The following PCM1 variants were observed in gnomAD, a reference collection of about 807,000 sequenced individuals.
PCM1 encodes pericentriolar material 1, also known as pericentriolar material 1 protein.
PCM1 carries 157 observed loss-of-function variants against 241.9 expected under a neutral mutation model. The observed-to-expected ratio is 0.65, with a 90% CI of 0.57 to 0.74. The LOEUF is 0.74. Ranked by LOEUF, PCM1 falls within the 30% of genes least tolerant of loss-of-function variation. The pLI, the probability that PCM1 is intolerant of heterozygous loss-of-function variation, is 0.00. For missense variants in PCM1, 3,478 were observed against 2,360.1 expected (o/e 1.47, Z -9.81); for synonymous variants, 1,085 against 784.9 (o/e 1.38, Z -6.39).
intron 4 of PCM1, 100 bp downstream of exon 4, chr8:17,937,479 A>C: frequency 8.9e-7 from 1 of 1,125,866 alleles, no homozygotes; most frequent in Non-Finnish European, 1.2e-6. Flanking sequence ...CTGTTTATGT[A>C]ATTTTTAAAA....
intron 29 of PCM1, among the ~76,000 whole-genome samples, chr8:17,997,400 G>A (rs2087270942): frequency 6.6e-6 from 1 of 152,102 alleles, no homozygotes; most frequent in African/African-American, 2.4e-5. Context: ...CTGGTTTTCT[G>A]TAACCTTCTT....
intron 2 of PCM1, among the ~76,000 whole-genome samples, chr8:17,934,170 C>G (rs1426752045): frequency 6.6e-6 from 1 of 151,768 alleles, no homozygotes; most frequent in African/African-American, 2.4e-5. Flanking sequence ...GTTGATAATC[C>G]TTTTGATATT....
chr8:17,935,110 A>T (rs1404876652), intron 2 of PCM1, among the ~76,000 whole-genome samples: 1 of 152,098 alleles, frequency 6.6e-6, no homozygotes, highest in East Asian at 1.9e-4. Flanking sequence ...GTTAAAACCA[A>T]AATTTTCTTC....
Position 18,009,533 on chromosome 8 carries a change from T to C in PCM1, c.4963-14T>C. On this transcript the variant is annotated splice_polypyrimidine_tract_variant and intron_variant, in intron 30 of 38. Coordinates refer to ENST00000325083, the MANE Select transcript of PCM1 (RefSeq NM_006197.4). The stretch of plus-strand genomic sequence containing the variant: ...TTACTGTCTTTAAAAATTATTTGGT[T>C]TATCTTTGAATAGGATTCACTGGCA... 6.5e-7 allele frequency: 1 copy of C among 1,550,374 alleles called. No individual in the cohort carries two copies. Among genetic ancestry groups the C allele is most frequent in the Non-Finnish European group, 8.8e-7 (1 of 1,139,184 alleles).
intron 3 of PCM1, 25 bp downstream of exon 3, chr8:17,935,731 G>C (rs1171489444): frequency 1.9e-6 from 2 of 1,046,002 alleles, no homozygotes; most frequent in African/African-American, 3.1e-5. Context: ...TCTTCATGGT[G>C]TGTTGTTGGC....
At chr8:18,013,748 C>A in intron 34 of PCM1, 1 of 426,168 alleles carries the variant, frequency 2.3e-6, no homozygotes, top group Non-Finnish European at 4.2e-6. Flanking sequence ...TTGTATTATA[C>A]TGTGTGTGTG....
chr8:18,010,867 G>C (rs1220672703), intron 32 of PCM1, among the ~76,000 whole-genome samples, 199 bp downstream of exon 32: 1 of 152,156 alleles, frequency 6.6e-6, no homozygotes, highest in Non-Finnish European at 1.5e-5. Context: ...CAGCTATTCA[G>C]GAGGCTGAGA....
At chr8:18,016,022 G>T (rs1250585916) in intron 36 of PCM1, among the ~76,000 whole-genome samples, 2 of 152,180 alleles carry the variant, frequency 1.3e-5, no homozygotes, top group East Asian at 3.9e-4. Context: ...CCGAGTAGCT[G>T]GGATTACAGA....
chr8:18,003,625 C>G (rs963110973), intron 29 of PCM1, among the ~76,000 whole-genome samples: 1 of 151,974 alleles, frequency 6.6e-6, no homozygotes, highest in African/African-American at 2.4e-5. Flanking sequence ...GTATCTCCCC[C>G]CTAGAATAGT....
intron 23 of PCM1, among the ~76,000 whole-genome samples, chr8:17,976,608 T>G (rs1342437812): frequency 6.6e-6 from 1 of 152,198 alleles, no homozygotes; most frequent in Non-Finnish European, 1.5e-5. Flanking sequence ...GACCTTAACC[T>G]CTCTGCGCTC....
At chr8:18,012,987 A>G (rs188316392) in intron 34 of PCM1, among the ~76,000 whole-genome samples, 8 of 152,250 alleles carry the variant, frequency 5.3e-5, no homozygotes, top group Admixed American at 3.3e-4. Flanking sequence ...GGTTCTTTAT[A>G]TTGAACAGTG....
chr8:18,010,058 C>T (rs749903143), intron 31 of PCM1, among the ~76,000 whole-genome samples: 4 of 152,200 alleles, frequency 2.6e-5, no homozygotes, highest in Non-Finnish European at 5.9e-5. Flanking sequence ...GGGCCAGTGC[C>T]AGGTGCCTGC....
chr8:17,982,786 G>A (rs1424948389), intron 24 of PCM1: 22 of 152,308 alleles, frequency 1.4e-4, no homozygotes, highest in Admixed American at 1.4e-3. Flanking sequence ...GAGCCACCAT[G>A]CCCAGCCCTG....
intron 6 of PCM1, among the ~76,000 whole-genome samples, chr8:17,941,874 A>G (rs2129451247): frequency 6.6e-6 from 1 of 152,146 alleles, no homozygotes; most frequent in African/African-American, 2.4e-5. Context: ...TCTCTAAATG[A>G]GCACTTCTTC....
chr8:18,025,691 G>GA, intron 38 of PCM1, 33 bp downstream of exon 38: 1 of 1,245,556 alleles, frequency 8.0e-7, no homozygotes, highest in Non-Finnish European at 1.1e-6. Flanking sequence ...TTGCCATATT[G>GA]AAAAATCATT....
intron 29 of PCM1, among the ~76,000 whole-genome samples, chr8:18,004,075 C>G (rs1267282147): frequency 6.6e-6 from 1 of 151,792 alleles, no homozygotes; most frequent in Non-Finnish European, 1.5e-5. Flanking sequence ...ATGATCTATC[C>G]TTATGCTTAG....
intron 29 of PCM1, among the ~76,000 whole-genome samples, chr8:17,998,459 C>G (rs1390031830): frequency 6.6e-6 from 1 of 152,202 alleles, no homozygotes; most frequent in Non-Finnish European, 1.5e-5. Flanking sequence ...CAGAAGAATT[C>G]TCTGAATTAC....
intron 4 of PCM1, among the ~76,000 whole-genome samples, chr8:17,938,502 G>A (rs1055656676): frequency 6.6e-6 from 1 of 152,122 alleles, no homozygotes; most frequent in African/African-American, 2.4e-5. Flanking sequence ...GACTTACCTT[G>A]TTCATATTCG....
At position 17,957,726 on chromosome 8, in the gene PCM1, C is replaced by T; in HGVS notation, c.1991C>T (p.Ala664Val). Reference protein sequence around the residue: ...EFEQKINRLMAAKQKLRQLQD... With the variant: ...EFEQKINRLMVAKQKLRQLQD... ...GAACAGAAGATCAACCGACTTATGG[C>T]TGCAAAACAGAAACTTAGACAGTTA... The change falls in exon 13 of 39, where the codon GCT becomes GTT. Residue 664 changes from alanine to valine, a missense_variant. Physicochemically the swap from Ala to Val is moderately conservative, Grantham distance 64. Coordinates refer to ENST00000325083, the MANE Select transcript of PCM1 (RefSeq NM_006197.4). The T allele has an allele frequency of 6.2e-7, 1 of 1,613,584 alleles. No individual in the cohort carries two copies. Among genetic ancestry groups the T allele is most frequent in the Non-Finnish European group, 8.5e-7 (1 of 1,179,724 alleles).
Sources: allele counts gnomAD v4.1 joint callset (sites outside exome capture counted in the v4.1 genomes callset), GRCh38; gene constraint gnomAD v4.1.1; transcripts MANE v1.5; gene names NCBI Gene and HGNC (gene_info 2026-07-23, HGNC 2026-07-21).